FREM2: variants seen among roughly 807,000 people sequenced by gnomAD.
The protein encoded by FREM2 is FRAS1-related extracellular matrix protein 2.
Under a neutral mutation model 219.9 loss-of-function variants are expected in FREM2, and 119 were observed. The observed-to-expected ratio is 0.54, with a 90% CI of 0.47 to 0.63. The LOEUF (loss-of-function observed/expected upper bound fraction) is 0.63, where lower values mean the gene tolerates loss of function less well. Ranked by LOEUF, FREM2 falls within the 30% of genes least tolerant of loss-of-function variation. The pLI is 0.00. For missense variants in FREM2, 4,030 were observed against 3,993.6 expected (o/e 1.01, Z -0.25); for synonymous variants, 1,562 against 1,522.8 (o/e 1.03, Z -0.60).
intron 2 of FREM2, among the ~76,000 whole-genome samples, chr13:38,714,712 G>A (rs1053808377): frequency 6.6e-6 from 1 of 152,050 alleles, no homozygotes; most frequent in African/African-American, 2.4e-5. Flanking sequence ...ATTTCACAAT[G>A]TATATATATG....
intron 6 of FREM2, among the ~76,000 whole-genome samples, chr13:38,793,052 G>T (rs1271147249): frequency 6.6e-6 from 1 of 152,184 alleles, no homozygotes; most frequent in African/African-American, 2.4e-5. Flanking sequence ...TCTAGATAAT[G>T]TTGAATTGCA....
At chr13:38,748,642 C>T (rs926952950) in intron 2 of FREM2, among the ~76,000 whole-genome samples, 6 of 152,124 alleles carry the variant, frequency 3.9e-5, no homozygotes, top group African/African-American at 1.4e-4. Flanking sequence ...TGCATATTCA[C>T]ATATTAAAGA....
intron 6 of FREM2, among the ~76,000 whole-genome samples, chr13:38,844,277 CTT>C (rs1316860624): frequency 2.6e-5 from 4 of 152,132 alleles, no homozygotes; most frequent in African/African-American, 7.2e-5. Context: ...ACCCCCGCCT[CTT>C]TCTTTCTCTC....
chr13:38,742,848 A>G (rs1336901634), intron 2 of FREM2, among the ~76,000 whole-genome samples: 1 of 152,202 alleles, frequency 6.6e-6, no homozygotes, highest in Non-Finnish European at 1.5e-5. Flanking sequence ...AACATGTTTG[A>G]ATTATTGCAA....
chr13:38,843,718 G>C (rs963961441), intron 6 of FREM2, among the ~76,000 whole-genome samples: 13 of 152,024 alleles, frequency 8.6e-5, no homozygotes, highest in Admixed American at 2.6e-4. Flanking sequence ...TCTCCCAGTG[G>C]TAATGATTAT....
At chr13:38,708,379 C>T (rs998700818) in intron 2 of FREM2, among the ~76,000 whole-genome samples, 9 of 152,134 alleles carry the variant, frequency 5.9e-5, no homozygotes, top group African/African-American at 1.4e-4. Flanking sequence ...TTAGACCGGG[C>T]GCAGTGGCTC....
Position 38,689,077 on chromosome 13 carries a change from C to T in FREM2, c.1733C>T (p.Pro578Leu). The T allele has an allele frequency of 1.2e-6, 2 of 1,613,784 alleles. No individual in the cohort carries two copies. The highest frequency in any genetic ancestry group is 1.7e-6 in the Non-Finnish European group (2 of 1,179,930). The change falls in exon 1 of 24, where the codon CCC becomes CTC. Residue 578 changes from proline to leucine, a missense_variant. By Grantham distance (98) the Pro-to-Leu change is moderately conservative. This residue lies in a region of FREM2 where 3,102 missense variants were observed against 2,950.7 expected (regional missense o/e 1.05). Transcript: ENST00000280481. ...ACACTGGCAGAGGGTGAAACAGTGC[C>T]CATCCTGCCCCTTTCCCTGAGTGCA... ...GLTLAEGETV[P>L]ILPLSLSATD...
chr13:38,789,809 T>C (rs1417564571), intron 6 of FREM2, among the ~76,000 whole-genome samples: 1 of 150,340 alleles, frequency 6.7e-6, no homozygotes, highest in Non-Finnish European at 1.5e-5. Context: ...TTCTTTTTTA[T>C]ATATTTAATA....
chr13:38,728,187 TC>T (rs1871608695), intron 2 of FREM2, among the ~76,000 whole-genome samples: 1 of 152,096 alleles, frequency 6.6e-6, no homozygotes, highest in South Asian at 2.1e-4. Flanking sequence ...TATTTTGTAT[TC>T]TTTTTTTTTT....
rs768976368 is a variant in FREM2, at chr13:38,848,642, A to G, written c.6351A>G (p.Thr2117=). 1.2e-6 allele frequency: 2 copies of G among 1,613,890 alleles called. No individual in the cohort carries two copies. Among genetic ancestry groups the G allele is most frequent in the Non-Finnish European group, 1.7e-6 (2 of 1,179,826 alleles). ...NAALGEPSKA[T]VSINDSVSDL... is the part of the protein sequence containing the mutation. ...CCCTTGGCGAGCCCAGCAAAGCCAC[A>G]GTGTCCATAAATGACTCTGTCTCCG... Residue 2117 remains threonine (T), a synonymous_variant, in exon 8 of 24, where the codon ACA becomes ACG. Coordinates refer to ENST00000280481, the MANE Select transcript of FREM2 (RefSeq NM_207361.6).
At chr13:38,841,334 G>T (rs993766336) in intron 6 of FREM2, among the ~76,000 whole-genome samples, 8 of 152,260 alleles carry the variant, frequency 5.3e-5, no homozygotes, top group Non-Finnish European at 1.0e-4. Context: ...GAGGCAAGGG[G>T]CATGTGCAGG....
chr13:38,859,595 G>C lies in FREM2; in HGVS notation c.7519+5G>C. On this transcript the variant is annotated splice_donor_5th_base_variant and intron_variant, in intron 14 of 23. Coordinates refer to ENST00000280481, the MANE Select transcript of FREM2 (RefSeq NM_207361.6). Reference sequence around the variant, plus strand: ...TAACCATCAGCAGAGAAGAAGGTCAGTCATTGCCATTTTCCCCTGAAGATC... The same window carrying C: ...TAACCATCAGCAGAGAAGAAGGTCACTCATTGCCATTTTCCCCTGAAGATC... 6.2e-7 allele frequency: 1 copy of C among 1,613,130 alleles called. No individual in the cohort carries two copies. The highest frequency in any genetic ancestry group is 8.5e-7 in the Non-Finnish European group (1 of 1,179,682).
Position 38,777,568 on chromosome 13 carries a change from A to G in FREM2, c.5642-5502A>G, listed in dbSNP as rs557828215. Among the ~76,000 whole-genome samples, 7 of 152,340 alleles carry G rather than the reference A, an allele frequency of 4.6e-5. No homozygotes were observed. The South Asian group carries it at 1.4e-3, about 32-fold the overall frequency. On this transcript the variant is annotated intron_variant, in intron 4 of 23. Transcript: ENST00000280481. ...CAAAGGTTGTTGCAAGGATAAAACT[A>G]GCCAATCATGTGAAGTGTTTAGAAT... is the stretch of plus-strand genomic sequence containing the variant.
At chr13:38,761,580 T>C (rs1490421118) in intron 2 of FREM2, among the ~76,000 whole-genome samples, 1 of 152,210 alleles carries the variant, frequency 6.6e-6, no homozygotes, top group East Asian at 1.9e-4. Context: ...ATTAGTACAA[T>C]TTAGTACAAT....
At chr13:38,812,380 T>A (rs1360733349) in intron 6 of FREM2, among the ~76,000 whole-genome samples, 1 of 152,134 alleles carries the variant, frequency 6.6e-6, no homozygotes, top group East Asian at 1.9e-4. Context: ...TTTTCTTCTT[T>A]TCTGTCTTCC....
chr13:38,793,523 T>C (rs1453164686), intron 6 of FREM2, among the ~76,000 whole-genome samples: 1 of 152,134 alleles, frequency 6.6e-6, no homozygotes, highest in Non-Finnish European at 1.5e-5. Context: ...AACAAGAGTT[T>C]GGAGAGGTGG....
intron 2 of FREM2, among the ~76,000 whole-genome samples, chr13:38,707,775 C>T (rs527804775): frequency 1.6e-4 from 24 of 152,288 alleles, no homozygotes; most frequent in African/African-American, 4.1e-4. Context: ...TTTGTGTCCC[C>T]GTAATACTTC....
chr13:38,839,263 C>T (rs71439787), intron 6 of FREM2, among the ~76,000 whole-genome samples: 5,470 of 152,258 alleles, frequency 0.036, 135 homozygotes, highest in Middle Eastern at 0.058. Context: ...CCCTCCAGAC[C>T]CCGTTTGCCT....
intron 14 of FREM2, among the ~76,000 whole-genome samples, chr13:38,861,026 G>A (rs904940326): frequency 2.0e-5 from 3 of 152,082 alleles, no homozygotes; most frequent in African/African-American, 7.2e-5. Context: ...TATTATTCTA[G>A]AGTAAAAATA....
Sources: gnomAD v4.1 joint callset for allele counts (sites outside exome capture counted in the v4.1 genomes callset) on GRCh38, gnomAD v4.1.1 for gene constraint, gnomAD v4.1.1 regional missense constraint, MANE v1.5 for transcripts, NCBI Gene and HGNC (gene_info 2026-07-23, HGNC 2026-07-21) for gene names.